Variants in CCDC146 observed in about 807,000 individuals in gnomAD.
CCDC146 encodes the protein coiled-coil domain-containing protein 146.
CCDC146 carries 92 observed loss-of-function variants against 119.3 expected under a neutral mutation model. That is an observed-to-expected ratio of 0.77 (90% CI 0.65 to 0.92). The LOEUF (loss-of-function observed/expected upper bound fraction) is 0.92. Among genes scored for constraint, CCDC146 ranks in the 40% least tolerant of loss-of-function variants. CCDC146 has a pLI of 0.00. For synonymous variants in CCDC146, 372 were observed against 371.8 expected, an observed-to-expected ratio of 1.00 and a Z score of -0.01; for missense variants, 1,000 against 1,103.0, an observed-to-expected ratio of 0.91 and a Z score of 1.32.
chr7:77,215,513 A>G (rs1281865631), intron 2 of CCDC146, among the ~76,000 whole-genome samples: 1 of 152,114 alleles, frequency 6.6e-6, no homozygotes, highest in East Asian at 1.9e-4. Context: ...AGAGGTACTC[A>G]TTGCTGCTAG....
At chr7:77,231,057 T>G (rs987656159) in intron 2 of CCDC146, among the ~76,000 whole-genome samples, 4 of 152,242 alleles carry the variant, frequency 2.6e-5, no homozygotes, top group African/African-American at 9.6e-5. Context: ...TTCTGAGTAG[T>G]GTGATAAAAT....
intron 2 of CCDC146, among the ~76,000 whole-genome samples, chr7:77,216,407 A>T (rs1031551565): frequency 5.9e-5 from 9 of 152,140 alleles, no homozygotes; most frequent in Admixed American, 4.6e-4. Flanking sequence ...TTCATTTATA[A>T]AAAATAGTTA....
At chr7:77,286,718 C>T in intron 15 of CCDC146, 80 bp from the exon 16 acceptor site, 1 of 1,470,522 alleles carries the variant, frequency 6.8e-7, no homozygotes, top group South Asian at 1.2e-5. Context: ...CTAAAAAACT[C>T]TCAAGACCCT....
chr7:77,203,066 T>A (rs1792023781), intron 2 of CCDC146, among the ~76,000 whole-genome samples: 1 of 127,762 alleles, frequency 7.8e-6, no homozygotes, highest in Non-Finnish European at 1.6e-5. Flanking sequence ...TAGGAATGAA[T>A]CTTCTGCTGC....
chr7:77,258,969 T>C (rs1231457953), intron 6 of CCDC146, 26 bp from the exon 7 acceptor site: 18 of 1,537,336 alleles, frequency 1.2e-5, no homozygotes, highest in Non-Finnish European at 1.5e-5. Context: ...ACCGCATAAT[T>C]TAACATGATT....
chr7:77,189,016 C>G lies in CCDC146; in HGVS notation c.156+21192C>G, dbSNP rs184467352. Among the ~76,000 whole-genome samples, 3 of 152,270 alleles carry G rather than the reference C, an allele frequency of 2.0e-5. No homozygotes were observed. The East Asian group carries it at 5.8e-4, about 29-fold the overall frequency. Reference sequence around the variant, plus strand: ...CACATAAACTTACTTACCAGGTTATCTAATCCCATGGATTCATTGCCATGG... The same window carrying G: ...CACATAAACTTACTTACCAGGTTATGTAATCCCATGGATTCATTGCCATGG... On this transcript the variant is annotated intron_variant, in intron 2 of 18. Transcript: ENST00000285871.
intron 4 of CCDC146, among the ~76,000 whole-genome samples, chr7:77,252,659 G>T (rs1017227059): frequency 6.6e-6 from 1 of 152,176 alleles, no homozygotes; most frequent in African/African-American, 2.4e-5. Context: ...GATGTTTAAC[G>T]CATCACTGTA....
chr7:77,146,167 A>G (rs895081652), intron 1 of CCDC146, among the ~76,000 whole-genome samples: 2 of 151,964 alleles, frequency 1.3e-5, no homozygotes, highest in Non-Finnish European at 2.9e-5. Context: ...ACCATTATGT[A>G]ATGGCCTTCT....
intron 4 of CCDC146, among the ~76,000 whole-genome samples, chr7:77,247,984 A>G (rs746596810): frequency 2.6e-4 from 40 of 152,232 alleles, no homozygotes; most frequent in Non-Finnish European, 1.5e-4. Flanking sequence ...CTGCGCTCAT[A>G]TGTTTATTGC....
chr7:77,231,923 A>G (rs1792638232), intron 2 of CCDC146, among the ~76,000 whole-genome samples: 1 of 151,630 alleles, frequency 6.6e-6, no homozygotes, highest in Non-Finnish European at 1.5e-5. Context: ...TTCATTGTAA[A>G]TTGGACATTT....
chr7:77,241,587 T>C (rs1347774157), intron 3 of CCDC146, 104 bp from the exon 4 acceptor site: 10 of 910,444 alleles, frequency 1.1e-5, no homozygotes, highest in East Asian at 7.4e-5. Flanking sequence ...CAGAGTTGAG[T>C]TGATCTGAGG....
chr7:77,282,808 C>T, intron 15 of CCDC146, 23 bp downstream of exon 15: 2 of 1,507,758 alleles, frequency 1.3e-6, no homozygotes, highest in Non-Finnish European at 1.8e-6. Flanking sequence ...TCACGGGACA[C>T]TTCCTCAGAC....
chr7:77,240,978 TTTTG>T (rs748192799), intron 3 of CCDC146, among the ~76,000 whole-genome samples: 9 of 150,856 alleles, frequency 6.0e-5, no homozygotes, highest in Non-Finnish European at 1.3e-4. Context: ...TTTTGTTTTT[TTTTG>T]TTTGTTTGTT....
rs1444913457 is a variant in CCDC146, at chr7:77,276,248, G to A, written c.1440+1596G>A. Among the ~76,000 whole-genome samples the A allele has an allele frequency of 2.0e-5, 3 of 151,034 alleles. No homozygotes were observed. The East Asian group carries it at 5.8e-4, about 29-fold the overall frequency. ...AGAATTTATCTCATGACCCAGATGT[G>A]GTCTGTTTGGTCTGTTTCTAAGCAC... On this transcript the variant is annotated intron_variant, in intron 11 of 18. Transcript: ENST00000285871.
intron 5 of CCDC146, among the ~76,000 whole-genome samples, chr7:77,255,832 A>G (rs544618428): frequency 6.4e-4 from 98 of 152,334 alleles, no homozygotes; most frequent in South Asian, 2.1e-4. Context: ...AGTAATATCA[A>G]TAAGAAAGTG....
At chr7:77,174,364 T>G (rs1486491553) in intron 2 of CCDC146, among the ~76,000 whole-genome samples, 1 of 152,204 alleles carries the variant, frequency 6.6e-6, no homozygotes, top group Non-Finnish European at 1.5e-5. Flanking sequence ...TTTATTGAAG[T>G]GGCAGTGAAC....
intron 2 of CCDC146, among the ~76,000 whole-genome samples, chr7:77,224,342 A>G (rs910227059): frequency 5.3e-5 from 8 of 152,196 alleles, no homozygotes; most frequent in Non-Finnish European, 5.9e-5. Flanking sequence ...AGTCAGCAAC[A>G]GTAGGTCAAG....
intron 1 of CCDC146, among the ~76,000 whole-genome samples, chr7:77,136,870 T>C (rs1790867047): frequency 6.6e-6 from 1 of 151,982 alleles, no homozygotes; most frequent in Admixed American, 6.6e-5. Flanking sequence ...TCAACAAAAT[T>C]GAATCAACAA....
chr7:77,281,724 G>A (rs1197419905), intron 14 of CCDC146, among the ~76,000 whole-genome samples: 1 of 152,168 alleles, frequency 6.6e-6, no homozygotes, highest in Non-Finnish European at 1.5e-5. Flanking sequence ...TGAGGAAGGG[G>A]AGTCATAGAT....
Sources: gnomAD v4.1 joint callset for allele counts (sites outside exome capture counted in the v4.1 genomes callset) on GRCh38, gnomAD v4.1.1 for gene constraint, MANE v1.5 for transcripts, NCBI Gene and HGNC (gene_info 2026-07-23, HGNC 2026-07-21) for gene names.